The following DOCK9 variants were observed in gnomAD, a reference collection of about 807,000 sequenced individuals.
DOCK9 encodes the protein dedicator of cytokinesis protein 9.
Under a neutral mutation model 263.3 loss-of-function variants are expected in DOCK9, and 89 were observed. That is an observed-to-expected ratio of 0.34 (90% CI 0.28 to 0.40). DOCK9 has a LOEUF of 0.40. DOCK9 is among the 10% of genes least tolerant of loss of function. The pLI is 1.00. For synonymous variants in DOCK9, 976 were observed against 973.1 expected (o/e 1.00, Z -0.06); for missense variants, 2,140 against 2,603.4 (o/e 0.82, Z 3.87).
chr13:98,831,482 A>G lies in DOCK9; in HGVS notation c.4501T>C (p.Cys1501Arg). The change falls in exon 41 of 53, where the codon TGT (cysteine) becomes CGT (arginine). Residue 1501 changes from cysteine (C) to arginine (R), a missense_variant. Around this residue, in one of 2 missense-constraint regions of DOCK9, gnomAD observed 619 missense variants for 861.8 expected, o/e 0.72. Transcript: ENST00000682017. ...EGRADMCAAL[C>R]YEILKCCNSK... is the part of the protein sequence containing the mutation. ...TTACAGCACTTGAGAATCTCGTAAC[A>G]CAGAGCCGCACACATGTCCGCTCTC... The G allele has an allele frequency of 6.3e-7, 1 of 1,591,660 alleles. No homozygotes were observed. Among genetic ancestry groups the G allele is most frequent in the South Asian group, 1.1e-5 (1 of 87,208 alleles).
intron 1 of DOCK9, among the ~76,000 whole-genome samples, chr13:98,996,853 G>T (rs1354517551): frequency 6.6e-6 from 1 of 152,174 alleles, no homozygotes; most frequent in Non-Finnish European, 1.5e-5. Context: ...TAATAACTTG[G>T]AAGTAAGTTG....
chr13:98,939,632 C>T (rs1228095027), intron 2 of DOCK9, among the ~76,000 whole-genome samples: 2 of 152,208 alleles, frequency 1.3e-5, no homozygotes, highest in Admixed American at 1.3e-4. Flanking sequence ...ACGGACGGAC[C>T]TGGATGCAGC....
At chr13:98,862,930 G>A in intron 32 of DOCK9, 89 bp downstream of exon 32, 5 of 1,103,226 alleles carry the variant, frequency 4.5e-6, no homozygotes, top group Non-Finnish European at 6.6e-6. Context: ...ATAAACTGCT[G>A]CTGCTCTAAG....
intron 2 of DOCK9, among the ~76,000 whole-genome samples, chr13:98,953,721 C>A (rs1446799457): frequency 6.6e-6 from 1 of 152,206 alleles, no homozygotes; most frequent in African/African-American, 2.4e-5. Context: ...GTTGCCAAAT[C>A]ACAGGCAAAA....
intron 1 of DOCK9, among the ~76,000 whole-genome samples, chr13:98,967,980 C>A (rs1301256184): frequency 1.3e-5 from 2 of 151,276 alleles, no homozygotes; most frequent in Admixed American, 6.6e-5. Flanking sequence ...AAAAAAATCA[C>A]AAATATTTTT....
chr13:99,019,815 G>A (rs991086743), intron 1 of DOCK9, among the ~76,000 whole-genome samples: 1 of 152,078 alleles, frequency 6.6e-6, no homozygotes, highest in Non-Finnish European at 1.5e-5. Context: ...AATCGGGGTG[G>A]GGAGGCCAAG....
intron 1 of DOCK9, among the ~76,000 whole-genome samples, chr13:99,027,700 C>A (rs534449671): frequency 4.7e-4 from 72 of 152,304 alleles, no homozygotes; most frequent in African/African-American, 1.7e-3. Flanking sequence ...GCTATTCCAG[C>A]GTCTCTGGTC....
intron 1 of DOCK9, among the ~76,000 whole-genome samples, chr13:99,045,051 G>A (rs2142156778): frequency 6.6e-6 from 1 of 152,358 alleles, no homozygotes; most frequent in East Asian, 1.9e-4. Flanking sequence ...CCTGCATGCT[G>A]TTTGTGGGAC....
chr13:98,804,521 C>A (rs2090466790), intron 49 of DOCK9, among the ~76,000 whole-genome samples: 1 of 152,170 alleles, frequency 6.6e-6, no homozygotes, highest in Non-Finnish European at 1.5e-5. Context: ...AGCTGGCCAG[C>A]CCCCGGGGGC....
At chr13:99,003,431 T>C (rs897181931) in intron 1 of DOCK9, among the ~76,000 whole-genome samples, 4 of 152,186 alleles carry the variant, frequency 2.6e-5, no homozygotes, top group African/African-American at 4.8e-5. Context: ...TCCCCTTCCA[T>C]CCTTCATTAC....
At chr13:99,065,817 C>A (rs763961523) in intron 1 of DOCK9, among the ~76,000 whole-genome samples, 1 of 152,202 alleles carries the variant, frequency 6.6e-6, no homozygotes, top group Non-Finnish European at 1.5e-5. Context: ...CAAGATGGGA[C>A]AGGATCTGTC....
intron 7 of DOCK9, among the ~76,000 whole-genome samples, chr13:98,918,074 C>A (rs2051203087): frequency 1.3e-5 from 2 of 152,210 alleles, no homozygotes; most frequent in African/African-American, 4.8e-5. Flanking sequence ...TAGCCTCCCA[C>A]CATCATTGCT....
chr13:99,021,566 A>G lies in DOCK9; in HGVS notation c.129+64657T>C, dbSNP rs932442236. Among the ~76,000 whole-genome samples the G allele has an allele frequency of 4.5e-4, 68 of 151,076 alleles. 1 individual carries two copies. The highest frequency in any genetic ancestry group is 1.6e-3 in the African/African-American group (64 of 41,142). The stretch of plus-strand genomic sequence containing the variant: ...AGACAGGAGAATGGCGTGAACCCGG[A>G]AGGCAGAGCTTGCAGTGAGCCGAGA... On this transcript the variant is annotated intron_variant, in intron 1 of 32. Coordinates refer to the DOCK9 transcript ENST00000427887.
At chr13:99,071,276 G>A (rs1171260990) in intron 1 of DOCK9, among the ~76,000 whole-genome samples, 2 of 143,578 alleles carry the variant, frequency 1.4e-5, no homozygotes, top group African/African-American at 5.3e-5. Flanking sequence ...CCAAGTAGCT[G>A]GAACTACAGG....
chr13:98,876,781 C>T (rs1420759435), intron 27 of DOCK9, among the ~76,000 whole-genome samples: 1 of 150,212 alleles, frequency 6.7e-6, no homozygotes, highest in Non-Finnish European at 1.5e-5. Flanking sequence ...GGGCAAAGAA[C>T]AGCAGGGTGT....
chr13:98,828,746 G>A (rs1479183257), intron 43 of DOCK9, among the ~76,000 whole-genome samples: 1 of 152,154 alleles, frequency 6.6e-6, no homozygotes, highest in Non-Finnish European at 1.5e-5. Context: ...CAATAGAGGG[G>A]TTAAAAAACT....
chr13:98,798,009 G>A (rs1566502194), intron 50 of DOCK9, among the ~76,000 whole-genome samples: 2 of 152,192 alleles, frequency 1.3e-5, no homozygotes, highest in Non-Finnish European at 2.9e-5. Context: ...GCTATCCTGG[G>A]ATGAAGTGAG....
intron 1 of DOCK9, among the ~76,000 whole-genome samples, chr13:98,957,976 G>A (rs12867822): frequency 6.6e-6 from 1 of 152,210 alleles, no homozygotes; most frequent in Non-Finnish European, 1.5e-5. Flanking sequence ...TGAATCCTCA[G>A]CTGGGTGCAG....
intron 3 of DOCK9, among the ~76,000 whole-genome samples, chr13:98,928,132 C>G (rs1272212518): frequency 6.6e-6 from 1 of 151,950 alleles, no homozygotes; most frequent in Non-Finnish European, 1.5e-5. Context: ...AGCAGAAGCA[C>G]AGAATTAGGC....
Sources: allele counts gnomAD v4.1 joint callset (sites outside exome capture counted in the v4.1 genomes callset), GRCh38; gene constraint gnomAD v4.1.1; regional missense constraint gnomAD v4.1.1; transcripts MANE v1.5; gene names NCBI Gene and HGNC (gene_info 2026-07-23, HGNC 2026-07-21).